RIMS2: variants seen among roughly 807,000 people sequenced by gnomAD.
RIMS2 encodes regulating synaptic membrane exocytosis 2.
RIMS2 carries 59 observed loss-of-function variants against 174.4 expected under a neutral mutation model. The observed-to-expected ratio is 0.34, with a 90% CI of 0.27 to 0.42. RIMS2 has a LOEUF of 0.42. RIMS2 is among the 10% of genes least tolerant of loss of function. RIMS2 has a pLI of 1.00. For missense variants in RIMS2, 1,620 were observed against 1,666.3 expected (o/e 0.97, Z 0.48); for synonymous variants, 606 against 572.5 (o/e 1.06, Z -0.84).
chr8:104,213,722 C>T (rs1381702593), intron 19 of RIMS2, among the ~76,000 whole-genome samples: 1 of 151,900 alleles, frequency 6.6e-6, no homozygotes, highest in African/African-American at 2.4e-5. Context: ...ACTAAAAATA[C>T]AAAAATTAGT....
At chr8:103,975,488 G>C (rs2093333675) in exon 16 of RIMS2, 3 of 1,613,094 alleles carry the variant, frequency 1.9e-6, no homozygotes, top group Non-Finnish European at 2.5e-6. Context: ...TGGTCACCCA[G>C]TGTCCCTCCT....
In RIMS2 at chr8:103,532,652, A is replaced by G. The variant is rs576822660; in HGVS notation, c.176+31590A>G. ...ACACTGGCAGAATTGAGTTGTTGAG[A>G]CAGTGACTATATGTGGCACACTTGT... On this transcript the variant is annotated intron_variant, in intron 1 of 23. Transcript: ENST00000504942. 3.3e-5 allele frequency among the ~76,000 whole-genome samples: 5 copies of G among 152,366 alleles called. No individual in the cohort carries two copies. The South Asian group carries it at 1.0e-3, about 32-fold the overall frequency.
intron 2 of RIMS2, among the ~76,000 whole-genome samples, chr8:103,711,903 T>TAC (rs531917488): frequency 2.2e-3 from 340 of 151,468 alleles, no homozygotes; most frequent in African/African-American, 7.9e-3. Context: ...CTGAAATATA[T>TAC]ATATATATAT....
At chr8:103,772,718 C>T (rs1270300889) in intron 3 of RIMS2, among the ~76,000 whole-genome samples, 1 of 152,034 alleles carries the variant, frequency 6.6e-6, no homozygotes, top group Non-Finnish European at 1.5e-5. Context: ...TATAAGTCTA[C>T]AGTAATCAAA....
At chr8:103,547,154 T>C (rs754580641) in intron 1 of RIMS2, among the ~76,000 whole-genome samples, 1 of 152,158 alleles carries the variant, frequency 6.6e-6, no homozygotes, top group African/African-American at 2.4e-5. Flanking sequence ...TAGGCTTGAA[T>C]GGAAAGAGGT....
chr8:103,533,232 C>T (rs899255353), intron 1 of RIMS2, among the ~76,000 whole-genome samples: 10 of 152,102 alleles, frequency 6.6e-5, no homozygotes, highest in African/African-American at 2.2e-4. Flanking sequence ...AAAAATGTAT[C>T]TAGAGAAAAT....
At chr8:103,696,325 G>T (rs2097100514) in intron 1 of RIMS2, among the ~76,000 whole-genome samples, 1 of 151,404 alleles carries the variant, frequency 6.6e-6, no homozygotes. Context: ...TTCTCTCTTT[G>T]GATTCTTTTT....
intron 19 of RIMS2, among the ~76,000 whole-genome samples, chr8:104,155,687 A>G (rs2098719383): frequency 6.6e-6 from 1 of 152,114 alleles, no homozygotes; most frequent in South Asian, 2.1e-4. Context: ...TGCTGGGATT[A>G]CAGGCATGAG....
chr8:104,155,704 C>A (rs141966252), intron 19 of RIMS2, among the ~76,000 whole-genome samples: 1 of 151,992 alleles, frequency 6.6e-6, no homozygotes, highest in South Asian at 2.1e-4. Context: ...TGAGCCACTG[C>A]GCCGGCCTTG....
intron 1 of RIMS2, among the ~76,000 whole-genome samples, chr8:103,615,095 T>C (rs918374936): frequency 6.6e-6 from 1 of 152,172 alleles, no homozygotes; most frequent in African/African-American, 2.4e-5. Context: ...CTTTTTAAAA[T>C]GTACCCTTTA....
rs562371031 is a variant in RIMS2 at position 103,642,705 on chromosome 8, G to A, written c.177-54381G>A. 5.9e-5 allele frequency among the ~76,000 whole-genome samples: 9 copies of A among 151,930 alleles called. No homozygotes were observed. In the South Asian group the frequency reaches 1.7e-3, roughly 28 times the overall value. ...AATTTGACTGAGTGTAGACCTATAG[G>A]TTGGTTGGTTTCTTTATTCAACACT... On this transcript the variant is annotated intron_variant, in intron 1 of 23. Coordinates refer to ENST00000504942, the Ensembl canonical transcript of RIMS2.
intron 17 of RIMS2, among the ~76,000 whole-genome samples, chr8:103,996,872 T>C (rs2095133936): frequency 6.6e-6 from 1 of 151,902 alleles, no homozygotes; most frequent in Non-Finnish European, 1.5e-5. Context: ...TATAGTTCAG[T>C]GTATATGAAC....
intron 15 of RIMS2, among the ~76,000 whole-genome samples, chr8:103,974,852 T>TA (rs1232512013): frequency 1.3e-5 from 2 of 152,030 alleles, no homozygotes; most frequent in African/African-American, 2.4e-5. Flanking sequence ...TCTCATTTTT[T>TA]AAAAAAAGCA....
chr8:104,224,378 C>G (rs1388019057), intron 19 of RIMS2, among the ~76,000 whole-genome samples: 1 of 152,150 alleles, frequency 6.6e-6, no homozygotes, highest in Non-Finnish European at 1.5e-5. Flanking sequence ...GAGGAGGACT[C>G]GCTGTTTTAA....
At chr8:103,623,312 T>G (rs1420753468) in intron 1 of RIMS2, among the ~76,000 whole-genome samples, 1 of 151,614 alleles carries the variant, frequency 6.6e-6, no homozygotes, top group South Asian at 2.1e-4. Flanking sequence ...AGTAAAACAA[T>G]AAATTAAAGT....
intron 1 of RIMS2, among the ~76,000 whole-genome samples, chr8:103,661,969 G>T (rs1368297286): frequency 6.6e-6 from 1 of 152,192 alleles, no homozygotes; most frequent in African/African-American, 2.4e-5. Flanking sequence ...AAGATACAGA[G>T]AATGATATTG....
At chr8:104,223,327 C>T in intron 19 of RIMS2, 6 of 1,058,442 alleles carry the variant, frequency 5.7e-6, no homozygotes, top group Non-Finnish European at 6.9e-6. Context: ...GCGGGGAGGG[C>T]AGCGAGACTC....
intron 19 of RIMS2, among the ~76,000 whole-genome samples, chr8:104,233,983 C>G (rs936336204): frequency 2.0e-5 from 3 of 151,332 alleles, no homozygotes; most frequent in Non-Finnish European, 3.0e-5. Context: ...CCAATAGGCT[C>G]TCTCCCCTTC....
At chr8:104,072,028 G>A (rs151146147) in intron 19 of RIMS2, among the ~76,000 whole-genome samples, 1 of 152,250 alleles carries the variant, frequency 6.6e-6, no homozygotes, top group African/African-American at 2.4e-5. Flanking sequence ...TATGCAGGCA[G>A]CTTACCTCAA....
Sources: allele counts gnomAD v4.1 joint callset (sites outside exome capture counted in the v4.1 genomes callset), GRCh38; gene constraint gnomAD v4.1.1; transcripts MANE v1.5; gene names NCBI Gene and HGNC (gene_info 2026-07-23, HGNC 2026-07-21).